MTIF2: variants seen among roughly 807,000 people sequenced by gnomAD.
MTIF2 encodes the protein translation initiation factor IF-2, mitochondrial.
In MTIF2, 71 loss-of-function variants were observed where a neutral mutation model predicts 83.5. The ratio of observed to expected loss-of-function variants is 0.85; its 90% CI spans 0.70 to 1.04. The LOEUF is 1.04. Ranked by LOEUF, MTIF2 falls within the 50% of genes least tolerant of loss-of-function variation. The probability of loss-of-function intolerance (pLI) is 0.00; values close to 1 mark genes in which losing one functional copy is unlikely to be tolerated. For synonymous variants in MTIF2, 319 were observed against 287.1 expected, an observed-to-expected ratio of 1.11 and a Z score of -1.12; for missense variants, 957 against 846.5, an observed-to-expected ratio of 1.13 and a Z score of -1.62.
intron 3 of MTIF2, chr2:55,266,541 T>C (rs1176069115): frequency 1.3e-5 from 2 of 149,054 alleles, no homozygotes; most frequent in Non-Finnish European, 3.0e-5. Context: ...AAAAAAAAAT[T>C]TTTTTTTAAT....
chr2:55,267,520 A>G lies in MTIF2; in HGVS notation c.-8+49T>C, dbSNP rs80271031. 502 of 163,694 alleles carry G rather than the reference A, an allele frequency of 3.1e-3. 16 individuals are homozygous for G. In the East Asian group the frequency reaches 0.077, roughly 25 times the overall value. The allele number at this position is 163,694 out of a possible 1,614,324, so 10.1% of individuals were successfully genotyped here. On this transcript the variant is annotated intron_variant, in intron 3 of 15. Coordinates refer to ENST00000263629, the MANE Select transcript of MTIF2 (RefSeq NM_002453.3). ...ATAACAGAAACAAGTACAGTATAGC[A>G]AAGAAAGTATCTTATTAGGCAACAA...
chr2:55,244,677 G>A (rs1414988643), intron 10 of MTIF2, among the ~76,000 whole-genome samples: 4 of 152,094 alleles, frequency 2.6e-5, no homozygotes, highest in Non-Finnish European at 5.9e-5. Context: ...CACTTTTGAA[G>A]GCCAAGGTGG....
At chr2:55,241,460 C>T (rs1329664421) in intron 13 of MTIF2, among the ~76,000 whole-genome samples, 1 of 150,742 alleles carries the variant, frequency 6.6e-6, no homozygotes. Context: ...AAGCAAAACA[C>T]TCTTGTCTTA....
intron 4 of MTIF2, 63 bp from the exon 5 acceptor site, chr2:55,262,490 T>G: frequency 1.0e-6 from 1 of 995,816 alleles, no homozygotes; most frequent in South Asian, 1.4e-5. Context: ...CAATTTAGAT[T>G]TATTCTCAAA....
intron 4 of MTIF2, among the ~76,000 whole-genome samples, chr2:55,262,725 TTTTTGTTTTTTG>T: frequency 1.4e-5 from 1 of 69,358 alleles, no homozygotes; most frequent in South Asian, 4.4e-4. Flanking sequence ...GTATTTTTTT[TTTTTGTTTTTTG>T]TTTTGTTTTG....
At position 55,243,662 on chromosome 2, in the gene MTIF2, C is replaced by T; in HGVS notation, c.1318G>A (p.Ala440Thr). 6.2e-7 allele frequency: 1 copy of T among 1,612,386 alleles called. No individual in the cohort carries two copies. Among genetic ancestry groups the T allele is most frequent in the African/African-American group, 1.3e-5 (1 of 74,814 alleles). ...EILEVESEPR[A>T]REVVDWRKYE... Reference sequence around the variant, plus strand: ...TTCCTCCAGTCAACAACTTCACGTGCCCTTGGCTTTATAGGGGAAAAACGT... The same window carrying T: ...TTCCTCCAGTCAACAACTTCACGTGTCCTTGGCTTTATAGGGGAAAAACGT... Residue 440 changes from alanine to threonine, a missense_variant, in exon 12 of 16, where the codon GCA becomes ACA. Ala to Thr is a moderately conservative substitution (Grantham distance 58). This residue lies in a region of MTIF2 where 733 missense variants were observed against 648.7 expected (regional missense o/e 1.13). Coordinates refer to ENST00000263629, the MANE Select transcript of MTIF2 (RefSeq NM_002453.3).
chr2:55,267,062 G>A (rs1454461531), intron 3 of MTIF2, among the ~76,000 whole-genome samples: 1 of 151,424 alleles, frequency 6.6e-6, no homozygotes, highest in African/African-American at 2.4e-5. Context: ...GAGCCACCAC[G>A]CCTAGCCTAA....
At position 55,251,270 on chromosome 2, in the gene MTIF2, CCT is replaced by C. The variant is rs544270204; in HGVS notation, c.841+1205_841+1206del. On this transcript the variant is annotated intron_variant, in intron 8 of 15. Transcript: ENST00000263629. ...TAATGGGATCCCTGGCAAATTTATC[CCT>C]CTCTTTTTGCATGTATTCCCTAGAA... Among the ~76,000 whole-genome samples the C allele has an allele frequency of 1.5e-3, 233 of 152,130 alleles. 1 individual carries two copies. The highest frequency in any genetic ancestry group is 2.4e-3 in the Non-Finnish European group (166 of 68,006).
In MTIF2 at chr2:55,262,353, A is replaced by G; in HGVS notation, c.294T>C (p.Thr98=). The G allele has an allele frequency of 6.2e-7, 1 of 1,613,692 alleles. No homozygotes were observed. ...KKVVEVWIGM[T]IEELARAMEK... is the part of the protein sequence containing the mutation. The stretch of plus-strand genomic sequence containing the variant: ...CCATTGCCCTGGCCAGTTCCTCAAT[A>G]GTCATTCCAATCCATACTTCTACCA... The change falls in exon 5 of 16, where the codon ACT becomes ACC. Residue 98 remains threonine, a synonymous_variant. Transcript: ENST00000263629.
intron 5 of MTIF2, among the ~76,000 whole-genome samples, chr2:55,255,866 G>T (rs1236693335): frequency 6.6e-6 from 1 of 151,882 alleles, no homozygotes; most frequent in African/African-American, 2.4e-5. Context: ...AAGAGAACCT[G>T]AGTACTGATT....
chr2:55,246,666 A>AGG (rs1274016238), intron 9 of MTIF2, among the ~76,000 whole-genome samples: 2 of 152,164 alleles, frequency 1.3e-5, no homozygotes, highest in African/African-American at 4.8e-5. Flanking sequence ...AATGGAAGGG[A>AGG]GGGAGGGATC....
At chr2:55,257,732 T>A (rs955838981) in intron 5 of MTIF2, among the ~76,000 whole-genome samples, 1 of 152,142 alleles carries the variant, frequency 6.6e-6, no homozygotes, top group African/African-American at 2.4e-5. Context: ...ATAAATAACC[T>A]TGAGAACACA....
At chr2:55,244,707 G>A (rs569324232) in intron 10 of MTIF2, among the ~76,000 whole-genome samples, 1 of 152,020 alleles carries the variant, frequency 6.6e-6, no homozygotes, top group East Asian at 1.9e-4. Context: ...TTGAGCTCAC[G>A]AGTTTGAGAC....
intron 9 of MTIF2, among the ~76,000 whole-genome samples, chr2:55,249,110 C>T (rs1174742694): frequency 6.6e-6 from 1 of 152,126 alleles, no homozygotes; most frequent in Non-Finnish European, 1.5e-5. Context: ...CGTCTTTGTC[C>T]TACTATTTCC....
In MTIF2 at chr2:55,254,023, G is replaced by C; in HGVS notation, c.664+18C>G. 3 of 1,612,740 alleles carry C rather than the reference G, an allele frequency of 1.9e-6. No individual in the cohort carries two copies. The highest frequency in any genetic ancestry group is 2.5e-6 in the Non-Finnish European group (3 of 1,179,168). On this transcript the variant is annotated intron_variant, in intron 7 of 15. Coordinates refer to ENST00000263629, the MANE Select transcript of MTIF2 (RefSeq NM_002453.3). The stretch of plus-strand genomic sequence containing the variant: ...AGTGGGGTTCCCAAGCACATTGTAA[G>C]GTAATTTGTGTTCATACCAAGAAAG...
At chr2:55,251,981 A>T (rs1227146515) in intron 8 of MTIF2, among the ~76,000 whole-genome samples, 2 of 152,184 alleles carry the variant, frequency 1.3e-5, no homozygotes, top group African/African-American at 2.4e-5. Context: ...AAATGAAGAA[A>T]TAAGGGAGAA....
chr2:55,251,928 G>C (rs1471753251), intron 8 of MTIF2, among the ~76,000 whole-genome samples: 2 of 152,254 alleles, frequency 1.3e-5, no homozygotes, highest in Non-Finnish European at 1.5e-5. Context: ...TCCCAGCCTA[G>C]AATGTATAAT....
intron 9 of MTIF2, 142 bp downstream of exon 9, chr2:55,249,253 A>G: frequency 1.9e-6 from 2 of 1,043,396 alleles, no homozygotes; most frequent in South Asian, 1.7e-5. Flanking sequence ...CCAAGATAAT[A>G]CCATCTTTGC....
At chr2:55,266,025 C>T (rs925486645) in intron 3 of MTIF2, among the ~76,000 whole-genome samples, 3 of 151,896 alleles carry the variant, frequency 2.0e-5, no homozygotes, top group East Asian at 1.9e-4. Flanking sequence ...TGTAAATATA[C>T]GCCATTTTAT....
Sources: allele counts gnomAD v4.1 joint callset (sites outside exome capture counted in the v4.1 genomes callset), GRCh38; gene constraint gnomAD v4.1.1; regional missense constraint gnomAD v4.1.1; transcripts MANE v1.5; gene names NCBI Gene and HGNC (gene_info 2026-07-23, HGNC 2026-07-21).